The following LRMDA variants were observed in gnomAD, a reference collection of about 807,000 sequenced individuals.
LRMDA encodes leucine-rich melanocyte differentiation-associated protein.
Under a neutral mutation model 29.8 loss-of-function variants are expected in LRMDA, and 18 were observed. The ratio of observed to expected loss-of-function variants is 0.60; its 90% CI spans 0.42 to 0.90. The LOEUF (loss-of-function observed/expected upper bound fraction) is 0.90. Among genes scored for constraint, LRMDA ranks in the 40% least tolerant of loss-of-function variants. The probability of loss-of-function intolerance (pLI) is 0.00; values close to 1 mark genes in which losing one functional copy is unlikely to be tolerated. For synonymous variants in LRMDA, 125 were observed against 109.4 expected (o/e 1.14, Z -0.89); for missense variants, 273 against 273.9 (o/e 1.00, Z 0.02).
intron 6 of LRMDA, among the ~76,000 whole-genome samples, chr10:76,485,066 G>A (rs1366278991): frequency 1.3e-5 from 2 of 151,696 alleles, no homozygotes; most frequent in African/African-American, 4.8e-5. Flanking sequence ...ATGTAATTGG[G>A]TCTTGTTTTT....
At chr10:76,319,492 T>C (rs1840742644) in intron 5 of LRMDA, among the ~76,000 whole-genome samples, 1 of 152,174 alleles carries the variant, frequency 6.6e-6, no homozygotes, top group African/African-American at 2.4e-5. Flanking sequence ...CACTATGAGT[T>C]GGTGGCTCTT....
intron 5 of LRMDA, among the ~76,000 whole-genome samples, chr10:76,060,379 C>A (rs1848684759): frequency 6.6e-6 from 1 of 151,922 alleles, no homozygotes; most frequent in African/African-American, 2.4e-5. Context: ...GCATGCCCAC[C>A]CCCCATTCTT....
At chr10:75,762,702 G>T (rs1428543918) in intron 2 of LRMDA, among the ~76,000 whole-genome samples, 1 of 152,202 alleles carries the variant, frequency 6.6e-6, no homozygotes, top group East Asian at 1.9e-4. Flanking sequence ...TTATAGGATT[G>T]TTGGGGACAT....
At chr10:76,207,270 C>T (rs542138057) in intron 5 of LRMDA, among the ~76,000 whole-genome samples, 12 of 152,234 alleles carry the variant, frequency 7.9e-5, no homozygotes, top group African/African-American at 2.2e-4. Context: ...TACAAGTGAC[C>T]GCAGTAGATG....
At chr10:76,399,267 G>T (rs1409416180) in intron 6 of LRMDA, among the ~76,000 whole-genome samples, 2 of 152,134 alleles carry the variant, frequency 1.3e-5, no homozygotes, top group Non-Finnish European at 2.9e-5. Flanking sequence ...CCTGCATCTA[G>T]ACCTCTCTGT....
At chr10:75,969,907 G>C (rs978197724) in intron 2 of LRMDA, among the ~76,000 whole-genome samples, 2 of 152,202 alleles carry the variant, frequency 1.3e-5, no homozygotes, top group Non-Finnish European at 2.9e-5. Context: ...ATCATAGACA[G>C]TATTTGGGAT....
At chr10:75,478,019 C>A (rs1045948656) in intron 2 of LRMDA, among the ~76,000 whole-genome samples, 2 of 152,226 alleles carry the variant, frequency 1.3e-5, no homozygotes, top group South Asian at 2.1e-4. Context: ...CTTCCGTGGC[C>A]CCCGAGGCAC....
At chr10:75,783,140 T>C in intron 2 of LRMDA, 1 of 1,230,982 alleles carries the variant, frequency 8.1e-7, no homozygotes, top group Non-Finnish European at 1.2e-6. Context: ...ATGATTGATC[T>C]GCATAAATCA....
At chr10:76,401,701 T>A (rs955319501) in intron 6 of LRMDA, among the ~76,000 whole-genome samples, 9 of 152,126 alleles carry the variant, frequency 5.9e-5, no homozygotes, top group African/African-American at 2.2e-4. Flanking sequence ...CCTGGGAGGA[T>A]CTGTACTTGC....
chr10:75,713,188 C>A lies in LRMDA; in HGVS notation c.131+274694C>A, dbSNP rs928906094. ...CTTTAAGGTAGGAGATGTGTTCTAA[C>A]CCAAACCCCAAATATGTTACATTAG... On this transcript the variant is annotated intron_variant, in intron 2 of 6. Transcript: ENST00000611255. Among the ~76,000 whole-genome samples the A allele has an allele frequency of 2.0e-5, 3 of 152,064 alleles. 1 individual carries two copies. Among genetic ancestry groups the A allele is most frequent in the East Asian group, 3.9e-4 (2 of 5,190 alleles).
intron 5 of LRMDA, among the ~76,000 whole-genome samples, chr10:76,293,133 A>G (rs1213223890): frequency 6.6e-6 from 1 of 152,096 alleles, no homozygotes; most frequent in Non-Finnish European, 1.5e-5. Flanking sequence ...GGCATGTGCC[A>G]CCACACCTGG....
intron 6 of LRMDA, among the ~76,000 whole-genome samples, chr10:76,328,473 T>G (rs1417376803): frequency 6.6e-6 from 1 of 152,216 alleles, no homozygotes; most frequent in Non-Finnish European, 1.5e-5. Context: ...CTGGGGATGA[T>G]GGAGCAACTC....
chr10:76,201,018 A>G (rs951106899), intron 5 of LRMDA, among the ~76,000 whole-genome samples: 2 of 148,284 alleles, frequency 1.3e-5, no homozygotes, highest in Non-Finnish European at 3.0e-5. Flanking sequence ...TGCCTGGCCA[A>G]TTTTTTTTAT....
intron 2 of LRMDA, among the ~76,000 whole-genome samples, chr10:75,826,796 T>C (rs1445195068): frequency 6.6e-6 from 1 of 152,182 alleles, no homozygotes; most frequent in Non-Finnish European, 1.5e-5. Flanking sequence ...TCTCAAGAAT[T>C]TTATTCTGAT....
At chr10:75,764,886 T>C (rs1843142870) in intron 2 of LRMDA, among the ~76,000 whole-genome samples, 1 of 151,888 alleles carries the variant, frequency 6.6e-6, no homozygotes, top group Non-Finnish European at 1.5e-5. Context: ...CCTTCAAGGG[T>C]CCGGCTGTGG....
intron 6 of LRMDA, among the ~76,000 whole-genome samples, chr10:76,345,361 C>G (rs1023795515): frequency 1.9e-4 from 28 of 150,658 alleles, no homozygotes; most frequent in Middle Eastern, 3.5e-3. Context: ...CGTGAGCCAC[C>G]GCGCCCGGCC....
chr10:75,458,339 G>C (rs1844544634), intron 2 of LRMDA, among the ~76,000 whole-genome samples: 1 of 152,134 alleles, frequency 6.6e-6, no homozygotes, highest in African/African-American at 2.4e-5. Context: ...AGGGCTCTGT[G>C]GGGGGTCTAC....
At chr10:75,580,898 C>T (rs902337768) in intron 2 of LRMDA, among the ~76,000 whole-genome samples, 2 of 152,170 alleles carry the variant, frequency 1.3e-5, no homozygotes, top group African/African-American at 2.4e-5. Flanking sequence ...CTCTTCCTTA[C>T]ACTTTATACA....
intron 6 of LRMDA, among the ~76,000 whole-genome samples, chr10:76,381,365 G>C (rs1293842430): frequency 6.6e-6 from 1 of 152,006 alleles, no homozygotes; most frequent in East Asian, 1.9e-4. Flanking sequence ...ATTGAAAAAA[G>C]GAGAATTGAC....
Sources: allele counts gnomAD v4.1 joint callset (sites outside exome capture counted in the v4.1 genomes callset), GRCh38; gene constraint gnomAD v4.1.1; transcripts MANE v1.5; gene names NCBI Gene and HGNC (gene_info 2026-07-23, HGNC 2026-07-21).